The following COTL1 variants were observed in gnomAD, a reference collection of about 807,000 sequenced individuals.
The protein encoded by COTL1 is coactosin-like protein.
In COTL1, 15 loss-of-function variants were observed where a neutral mutation model predicts 16.5. The ratio of observed to expected loss-of-function variants is 0.91; its 90% CI spans 0.61 to 1.40. COTL1 has a LOEUF of 1.40. Ranked by LOEUF, COTL1 falls within the 40% of genes most tolerant of loss-of-function variation. The pLI is 0.00. For missense variants in COTL1, 220 were observed against 201.5 expected, an observed-to-expected ratio of 1.09 and a Z score of -0.56; for synonymous variants, 112 against 85.3, an observed-to-expected ratio of 1.31 and a Z score of -1.73.
intron 3 of COTL1, among the ~76,000 whole-genome samples, chr16:84,587,877 T>G (rs973927588): frequency 6.6e-6 from 1 of 152,106 alleles, no homozygotes; most frequent in Non-Finnish European, 1.5e-5. Context: ...TTTCAAGAGA[T>G]TCTCCTGTCT....
chr16:84,584,576 G>A (rs377186681), intron 3 of COTL1, among the ~76,000 whole-genome samples: 3 of 152,184 alleles, frequency 2.0e-5, no homozygotes, highest in African/African-American at 7.2e-5. Context: ...CTGTGTGGCT[G>A]ACGGCTGGCA....
In COTL1 at chr16:84,618,061, G is replaced by T; in HGVS notation, c.-147C>A. On this transcript the variant is annotated 5_prime_UTR_variant, in exon 1 of 4. Transcript: ENST00000262428. ...TACGCGGCGCCTGCAAGCTGCGAGC[G>T]CGGCGGCGGCTTCCACTGCGGACGG... is the stretch of plus-strand genomic sequence containing the variant. 4.2e-6 allele frequency: 1 copy of T among 237,060 alleles called. No individual in the cohort carries two copies. The highest frequency in any genetic ancestry group is 7.0e-6 in the Non-Finnish European group (1 of 143,398). The allele number at this position is 237,060 out of a possible 1,614,324, so 14.7% of individuals were successfully genotyped here. A position where few individuals can be genotyped will look rare whatever the true frequency, so the allele number is the denominator to read the frequency against.
chr16:84,591,634 TAAAAAAAAAAAA>T (rs372775821), intron 2 of COTL1, among the ~76,000 whole-genome samples: 24 of 75,188 alleles, frequency 3.2e-4, no homozygotes, highest in African/African-American at 1.2e-3. Flanking sequence ...ATCACCTCTC[TAAAAAAAAAAAA>T]AAAAAAAAAA....
At chr16:84,579,337 A>G (rs748884349) in intron 3 of COTL1, among the ~76,000 whole-genome samples, 7 of 152,152 alleles carry the variant, frequency 4.6e-5, no homozygotes, top group Non-Finnish European at 7.4e-5. Flanking sequence ...AAAAATACCA[A>G]ATTAGCTGGG....
chr16:84,586,922 CAAAAG>C (rs1904746355), intron 3 of COTL1, among the ~76,000 whole-genome samples: 1 of 152,220 alleles, frequency 6.6e-6, no homozygotes, highest in East Asian at 1.9e-4. Context: ...AATAGGAAGA[CAAAAG>C]AGAATTGCAA....
At chr16:84,573,768 T>TACAC (rs3086225) in intron 3 of COTL1, among the ~76,000 whole-genome samples, 1,690 of 146,158 alleles carry the variant, frequency 0.012, 14 homozygotes, top group African/African-American at 0.027. Context: ...TATATATACA[T>TACAC]ACACACACAC....
intron 2 of COTL1, among the ~76,000 whole-genome samples, chr16:84,592,777 G>C (rs1322090872): frequency 2.0e-5 from 3 of 152,090 alleles, no homozygotes; most frequent in East Asian, 3.8e-4. Context: ...AAAACCGGAG[G>C]GGGTAACCAG....
intron 2 of COTL1, among the ~76,000 whole-genome samples, chr16:84,602,143 G>A (rs1241950684): frequency 2.0e-5 from 3 of 151,736 alleles, no homozygotes; most frequent in African/African-American, 4.8e-5. Context: ...CATCTACATG[G>A]CATCTTTGAC....
At position 84,566,496 on chromosome 16, in the gene COTL1, G is replaced by A. The variant is rs1385668148; in HGVS notation, c.*349C>T. On this transcript the variant is annotated 3_prime_UTR_variant, in exon 4 of 4. Transcript: ENST00000262428. ...ATGCAGATCTCACTAGGCAGACCTC[G>A]TCGCGTGGAAGAGAAATGCCAGGAA... The A allele has an allele frequency of 1.0e-5, 2 of 200,952 alleles. No homozygotes were observed. Among genetic ancestry groups the A allele is most frequent in the African/African-American group, 4.7e-5 (2 of 42,908 alleles). The allele number at this position is 200,952 out of a possible 1,614,324, so 12.4% of individuals were successfully genotyped here.
chr16:84,581,073 C>T (rs914842704), intron 3 of COTL1, among the ~76,000 whole-genome samples: 4 of 151,974 alleles, frequency 2.6e-5, no homozygotes, highest in Middle Eastern at 3.2e-3. Flanking sequence ...ACCCAGGAGA[C>T]GGAGGCTGCA....
Position 84,566,684 on chromosome 16 carries a change from A to C in COTL1, c.*161T>G. On this transcript the variant is annotated 3_prime_UTR_variant, in exon 4 of 4. Transcript: ENST00000262428. ...TAGGACACGGCAGGGTTCTAAGGGA[A>C]GCGGGAAGGTGGGGGCTGTGGACAC... The C allele has an allele frequency of 1.7e-6, 1 of 588,974 alleles. No individual in the cohort carries two copies. Among genetic ancestry groups the C allele is most frequent in the East Asian group, 2.8e-5 (1 of 35,298 alleles). 36.5% of individuals were successfully genotyped at this position (588,974 alleles called of 1,614,324 possible). A position where few individuals can be genotyped will look rare whatever the true frequency, so the allele number is the denominator to read the frequency against.
Position 84,617,882 on chromosome 16 carries a change from C to T in COTL1, c.33G>A (p.Arg11=), listed in dbSNP as rs1447244533. 1 of 1,571,758 alleles carries T rather than the reference C, an allele frequency of 6.4e-7. No individual in the cohort carries two copies. The highest frequency in any genetic ancestry group is 1.9e-5 in the Admixed American group (1 of 53,092). ...CGTCGCGCACCAGGTTGTACGCCGC[C>T]CGGCAAGCCTCTTTGTCGATCTTGG... is the stretch of plus-strand genomic sequence containing the variant. MATKIDKEAC[R]AAYNLVRDDG... The change falls in exon 1 of 4, where the codon CGG becomes CGA. Residue 11 remains arginine, a synonymous_variant. Transcript: ENST00000262428.
At chr16:84,610,360 A>C (rs1905295304) in intron 2 of COTL1, among the ~76,000 whole-genome samples, 1 of 152,208 alleles carries the variant, frequency 6.6e-6, no homozygotes, top group African/African-American at 2.4e-5. Context: ...GCTGGATCCC[A>C]GAGTTTTCTG....
intron 2 of COTL1, among the ~76,000 whole-genome samples, chr16:84,609,298 G>A (rs559527584): frequency 3.0e-4 from 46 of 152,232 alleles, no homozygotes; most frequent in African/African-American, 7.2e-4. Flanking sequence ...CCAGTTTTCC[G>A]TAGGAACCAC....
chr16:84,614,524 A>G (rs1048923744), intron 2 of COTL1, among the ~76,000 whole-genome samples: 28 of 150,824 alleles, frequency 1.9e-4, no homozygotes, highest in Non-Finnish European at 1.0e-4. Flanking sequence ...CAGTAGCCTG[A>G]GGTGGGAGGG....
chr16:84,600,649 G>A (rs1452737492), intron 2 of COTL1, among the ~76,000 whole-genome samples: 1 of 152,154 alleles, frequency 6.6e-6, no homozygotes, highest in Non-Finnish European at 1.5e-5. Flanking sequence ...CATTGTGTGG[G>A]TATCTGCGTG....
chr16:84,609,023 C>T (rs184197525), intron 2 of COTL1, among the ~76,000 whole-genome samples: 1 of 152,182 alleles, frequency 6.6e-6, no homozygotes, highest in African/African-American at 2.4e-5. Flanking sequence ...TGCCCAAAGC[C>T]CTGTCACAGA....
chr16:84,603,060 C>T (rs1905133044), intron 2 of COTL1, among the ~76,000 whole-genome samples: 1 of 152,238 alleles, frequency 6.6e-6, no homozygotes, highest in South Asian at 2.1e-4. Context: ...TGGCTCTGCC[C>T]CTTTCCTCCC....
chr16:84,605,611 G>A (rs947591344), intron 2 of COTL1, among the ~76,000 whole-genome samples: 4 of 152,230 alleles, frequency 2.6e-5, no homozygotes, highest in African/African-American at 7.2e-5. Context: ...CTGGCATCAT[G>A]AGGACTCGAC....
Sources: allele counts gnomAD v4.1 joint callset (sites outside exome capture counted in the v4.1 genomes callset), GRCh38; gene constraint gnomAD v4.1.1; transcripts MANE v1.5; gene names NCBI Gene and HGNC (gene_info 2026-07-23, HGNC 2026-07-21).